Variants in DOCK11 observed in about 807,000 individuals in gnomAD.
The protein encoded by DOCK11 is dedicator of cytokinesis protein 11.
Under a neutral mutation model 169.1 loss-of-function variants are expected in DOCK11, and 70 were observed. That is an observed-to-expected ratio of 0.41 (90% CI 0.34 to 0.51). The LOEUF is 0.51. Ranked by LOEUF, DOCK11 falls within the 20% of genes least tolerant of loss-of-function variation. The pLI is 0.10. For missense variants in DOCK11, 1,166 were observed against 1,538.8 expected (o/e 0.76, Z 4.05); for synonymous variants, 529 against 541.3 (o/e 0.98, Z 0.32).
chrX:118,590,012 A>G (rs1409064747), intron 18 of DOCK11, among the ~76,000 whole-genome samples, 198 bp from the exon 19 acceptor site: 2 of 112,329 alleles, frequency 1.8e-5, no homozygotes, highest in Non-Finnish European at 3.8e-5. Context: ...AAGCATCCAT[A>G]CAGCCAAGTT....
At chrX:118,593,449 C>G in intron 20 of DOCK11, 112 bp downstream of exon 20, 3 of 725,057 alleles carry the variant, frequency 4.1e-6, no homozygotes, top group Middle Eastern at 5.4e-4. Context: ...CCAAAAACCA[C>G]TGTATTAGTT....
rs780646304 is a variant in DOCK11 at position 118,680,463 on chromosome X, A to G, written c.5461-19A>G. ...AAAATAAAATAAAATAAATAAATAA[A>G]AACTTTCTTATTTTATAGGTAAATG... On this transcript the variant is annotated intron_variant, in intron 48 of 52. Coordinates refer to ENST00000276202, the MANE Select transcript of DOCK11 (RefSeq NM_144658.4). The G allele has an allele frequency of 1.1e-6, 1 of 932,346 alleles. No individual in the cohort carries two copies. Among genetic ancestry groups the G allele is most frequent in the East Asian group, 3.6e-5 (1 of 27,477 alleles). 76.8% of individuals were successfully genotyped at this position (932,346 alleles called of 1,213,427 possible). A position where few individuals can be genotyped will look rare whatever the true frequency, so the allele number is the denominator to read the frequency against.
At chrX:118,555,690 G>A (rs1195044060) in intron 6 of DOCK11, among the ~76,000 whole-genome samples, 1 of 111,805 alleles carries the variant, frequency 8.9e-6, no homozygotes, top group African/African-American at 3.3e-5. Flanking sequence ...GCATTCTGGT[G>A]TCATTACTGC....
chrX:118,567,456 A>G (rs1340968139), intron 9 of DOCK11, among the ~76,000 whole-genome samples: 5 of 101,112 alleles, frequency 4.9e-5, no homozygotes, highest in Admixed American at 1.1e-4. Context: ...TTTTTGAGAC[A>G]GAGTCTCACT....
intron 14 of DOCK11, among the ~76,000 whole-genome samples, chrX:118,584,201 G>A (rs1402233457): frequency 8.9e-6 from 1 of 112,044 alleles, no homozygotes; most frequent in African/African-American, 3.2e-5. Flanking sequence ...CATGTCCCTT[G>A]TCCATTCAGC....
chrX:118,535,618 A>C (rs1438408610), intron 1 of DOCK11, among the ~76,000 whole-genome samples: 2 of 111,629 alleles, frequency 1.8e-5, no homozygotes. Context: ...CTATGCTATC[A>C]TAAGAATCAG....
chrX:118,607,582 T>C (rs1459444378), intron 24 of DOCK11, among the ~76,000 whole-genome samples: 3 of 109,372 alleles, frequency 2.7e-5, no homozygotes, highest in African/African-American at 1.0e-4. Flanking sequence ...CCACCGCGCC[T>C]GGCTAATTTT....
intron 10 of DOCK11, among the ~76,000 whole-genome samples, chrX:118,568,387 TATATATATATATATATATATATA>T (rs1176683228): frequency 2.1e-4 from 4 of 18,807 alleles, no homozygotes; most frequent in African/African-American, 1.3e-3. Context: ...TATATATATA[TATATATATATATATATATATATA>T]TATATATATA....
chrX:118,655,961 G>A (rs1338129815), intron 44 of DOCK11, among the ~76,000 whole-genome samples: 2 of 111,671 alleles, frequency 1.8e-5, no homozygotes, highest in Admixed American at 9.5e-5. Context: ...GTGTTTGATT[G>A]CCTCATATAA....
chrX:118,662,259 C>T (rs2016233487), intron 44 of DOCK11, among the ~76,000 whole-genome samples: 1 of 111,863 alleles, frequency 8.9e-6, no homozygotes, highest in Non-Finnish European at 1.9e-5. Flanking sequence ...CATCTCACTT[C>T]CTCTCCCAAA....
intron 18 of DOCK11, among the ~76,000 whole-genome samples, chrX:118,589,705 G>A (rs2013924582): frequency 8.9e-6 from 1 of 112,278 alleles, no homozygotes; most frequent in South Asian, 3.7e-4. Flanking sequence ...TGAGAGAACA[G>A]CAAGCTTGTC....
rs760483568 is a variant in DOCK11, at chrX:118,607,578, C to T, written c.2682-494C>T. Among the ~76,000 whole-genome samples the T allele has an allele frequency of 1.1e-4, 12 of 109,041 alleles. No individual in the cohort carries two copies. In the East Asian group the frequency reaches 3.4e-3, roughly 31 times the overall value. The allele number at this position is 109,041 out of a possible 115,157, so 94.7% of individuals were successfully genotyped here. A position where few individuals can be genotyped will look rare whatever the true frequency, so the allele number is the denominator to read the frequency against. On this transcript the variant is annotated intron_variant, in intron 24 of 52. Coordinates refer to ENST00000276202, the MANE Select transcript of DOCK11 (RefSeq NM_144658.4). ...CTGGGACTACAGGCCCCCGCCACCG[C>T]GCCTGGCTAATTTTTTGTATTTTTT...
intron 31 of DOCK11, among the ~76,000 whole-genome samples, chrX:118,619,500 ATAT>A (rs2014914733): frequency 5.4e-5 from 3 of 55,977 alleles, no homozygotes; most frequent in Admixed American, 2.3e-4. Flanking sequence ...AAAAAAAAAT[ATAT>A]ATATATATAT....
At chrX:118,562,475 G>A (rs1276039004) in intron 7 of DOCK11, among the ~76,000 whole-genome samples, 1 of 111,204 alleles carries the variant, frequency 9.0e-6, no homozygotes, top group Non-Finnish European at 1.9e-5. Context: ...GATATAGTTT[G>A]GGTCAATCAT....
rs932640177 is a variant in DOCK11 at position 118,648,814 on chromosome X, C to T, written c.4399-131C>T. On this transcript the variant is annotated intron_variant, in intron 40 of 52. Coordinates refer to ENST00000276202, the MANE Select transcript of DOCK11 (RefSeq NM_144658.4). ...GTTCAGGCTCTCTGGAGAGCAGAGCCTGCCTTATGTTGATTTTGTATCCTC... is the reference window on the plus strand; with the variant it reads ...GTTCAGGCTCTCTGGAGAGCAGAGCTTGCCTTATGTTGATTTTGTATCCTC... 2.2e-5 allele frequency: 11 copies of T among 504,796 alleles called. No homozygotes were observed. The African/African-American group carries it at 2.7e-4, about 13-fold the overall frequency. The allele number at this position is 504,796 out of a possible 1,213,427, so 41.6% of individuals were successfully genotyped here.
At chrX:118,506,280 C>A (rs2057611747) in intron 1 of DOCK11, among the ~76,000 whole-genome samples, 1 of 109,836 alleles carries the variant, frequency 9.1e-6, no homozygotes, top group African/African-American at 3.3e-5. Context: ...AACAAAAAAC[C>A]AAAACCAAAA....
In DOCK11 at chrX:118,573,846, A is replaced by G; in HGVS notation, c.1217A>G (p.Lys406Arg). 8.3e-7 allele frequency: 1 copy of G among 1,210,232 alleles called. No homozygotes were observed. Among genetic ancestry groups the G allele is most frequent in the Middle Eastern group, 2.3e-4 (1 of 4,329 alleles). Residue 406 changes from lysine (K) to arginine (R), a missense_variant, in exon 12 of 53, where the codon AAG becomes AGG. Physicochemically the swap from Lys to Arg is conservative, Grantham distance 26. Coordinates refer to ENST00000276202, the MANE Select transcript of DOCK11 (RefSeq NM_144658.4). Reference sequence around the variant, plus strand: ...ATCAATCTTGCCTTATTTGATGTAAAGAACAATTGTAAGATTTCAGCAGAC... The same window carrying G: ...ATCAATCTTGCCTTATTTGATGTAAGGAACAATTGTAAGATTTCAGCAGAC... ...FFINLALFDV[K>R]NNCKISADFH...
chrX:118,503,113 G>A (rs2057587423), intron 1 of DOCK11, among the ~76,000 whole-genome samples: 3 of 95,139 alleles, frequency 3.2e-5, no homozygotes, highest in South Asian at 5.3e-4. Context: ...CACTCTTGTC[G>A]CCCAGGCACG....
intron 23 of DOCK11, among the ~76,000 whole-genome samples, chrX:118,603,234 G>A (rs2014395721): frequency 8.9e-6 from 1 of 112,963 alleles, no homozygotes; most frequent in Non-Finnish European, 1.9e-5. Flanking sequence ...ATAGTACAGT[G>A]TGCATTGTGA....
Sources: allele counts gnomAD v4.1 joint callset (sites outside exome capture counted in the v4.1 genomes callset), GRCh38; gene constraint gnomAD v4.1.1; transcripts MANE v1.5; gene names NCBI Gene and HGNC (gene_info 2026-07-23, HGNC 2026-07-21).